The following FANCB variants were observed in gnomAD, a reference collection of about 807,000 sequenced individuals.
FANCB encodes FA complementation group B, also known as Fanconi anemia group B protein.
FANCB carries 5 observed loss-of-function variants against 38.9 expected under a neutral mutation model. That is an observed-to-expected ratio of 0.13 (90% CI 0.07 to 0.27). The LOEUF is 0.27. Among genes scored for constraint, FANCB ranks in the 10% least tolerant of loss-of-function variants. The probability of loss-of-function intolerance (pLI) is 1.00; values close to 1 mark genes in which losing one functional copy is unlikely to be tolerated. For missense variants in FANCB, 573 were observed against 602.7 expected (o/e 0.95, Z 0.52); for synonymous variants, 236 against 215.4 (o/e 1.10, Z -0.84).
chrX:14,835,815 C>T (rs748718735), downstream of FANCB: 1 of 113,068 alleles, frequency 8.8e-6, no homozygotes, highest in Admixed American at 9.4e-5. Context: ...TCCTTGTACA[C>T]TGTTGGTGGG....
At chrX:14,806,350 T>C in the FANCB span, among the ~76,000 whole-genome samples, 1 of 112,221 alleles carries the variant, frequency 8.9e-6, no homozygotes, top group Non-Finnish European at 1.9e-5. Context: ...ACATGGCTCG[T>C]CTTCACTGTT....
chrX:14,727,605 C>T, the FANCB span, among the ~76,000 whole-genome samples: 206 of 112,305 alleles, frequency 1.8e-3, no homozygotes, highest in Middle Eastern at 0.014. Flanking sequence ...ACTGATGACA[C>T]TGTAATAATT....
downstream of FANCB, among the ~76,000 whole-genome samples, chrX:14,843,242 G>C (rs1302843095): frequency 9.0e-6 from 1 of 111,008 alleles, no homozygotes; most frequent in African/African-American, 3.3e-5. Flanking sequence ...GTGCATAGTA[G>C]GATGTTTAGC....
chrX:14,743,146 A>G, the FANCB span, among the ~76,000 whole-genome samples: 1 of 112,248 alleles, frequency 8.9e-6, no homozygotes. Context: ...CACCATGATC[A>G]TAACCTTACG....
chrX:14,754,482 T>C, the FANCB span, among the ~76,000 whole-genome samples: 1 of 112,135 alleles, frequency 8.9e-6, no homozygotes, highest in Non-Finnish European at 1.9e-5. Context: ...AATTCTAAGC[T>C]GGTTGATTAA....
At chrX:14,870,370 A>G (rs1167678435) in intron 1 of FANCB, among the ~76,000 whole-genome samples, 2 of 110,330 alleles carry the variant, frequency 1.8e-5, no homozygotes, top group Non-Finnish European at 3.8e-5. Context: ...CCTATGGGCT[A>G]TTTGACTTTT....
chrX:14,823,780 T>C, the FANCB span, among the ~76,000 whole-genome samples: 1 of 112,040 alleles, frequency 8.9e-6, no homozygotes, highest in Non-Finnish European at 1.9e-5. Flanking sequence ...CCAATCAAGA[T>C]ATAGAACATT....
the FANCB span, among the ~76,000 whole-genome samples, chrX:14,741,731 A>G: frequency 8.9e-6 from 1 of 112,193 alleles, no homozygotes. Context: ...CAAATATAAA[A>G]TTAGCACAAG....
At chrX:14,760,531 T>C in the FANCB span, among the ~76,000 whole-genome samples, 7 of 111,788 alleles carry the variant, frequency 6.3e-5, no homozygotes, top group Non-Finnish European at 1.1e-4. Flanking sequence ...CAAAATTGCT[T>C]AAGAAATGAT....
At chrX:14,728,298 C>T in the FANCB span, among the ~76,000 whole-genome samples, 2 of 110,865 alleles carry the variant, frequency 1.8e-5, no homozygotes, top group African/African-American at 3.3e-5. Flanking sequence ...GGGTCTGAGG[C>T]GGGAGGATCA....
chrX:14,748,053 G>A, the FANCB span, among the ~76,000 whole-genome samples: 3 of 111,529 alleles, frequency 2.7e-5, no homozygotes, highest in Admixed American at 2.9e-4. Context: ...AAAGGAGATG[G>A]CTATTTGCTG....
chrX:14,779,637 G>A, the FANCB span, among the ~76,000 whole-genome samples: 1 of 110,994 alleles, frequency 9.0e-6, no homozygotes, highest in South Asian at 3.7e-4. Context: ...CTCCAGAACT[G>A]TGAAAAATAA....
At chrX:14,822,198 C>A in the FANCB span, among the ~76,000 whole-genome samples, 1 of 110,379 alleles carries the variant, frequency 9.1e-6, no homozygotes, top group African/African-American at 3.3e-5. Context: ...GGAAGCAGTG[C>A]AAGCAACTGT....
chrX:14,705,306 C>A, the FANCB span, among the ~76,000 whole-genome samples: 1 of 111,565 alleles, frequency 9.0e-6, no homozygotes, highest in South Asian at 3.8e-4. Context: ...TGGTTCTCAG[C>A]CAGGAGCTAT....
chrX:14,832,451 G>T (rs761687999), downstream of FANCB, among the ~76,000 whole-genome samples: 2 of 111,577 alleles, frequency 1.8e-5, no homozygotes, highest in East Asian at 5.6e-4. Flanking sequence ...GCCACATTCT[G>T]AAGTACCAGG....
At chrX:14,870,948 T>TA (rs2092493449) in intron 1 of FANCB, among the ~76,000 whole-genome samples, 1 of 111,803 alleles carries the variant, frequency 8.9e-6, no homozygotes, top group African/African-American at 3.3e-5. Context: ...ATAATAATGA[T>TA]AGATGTTGTT....
the FANCB span, among the ~76,000 whole-genome samples, chrX:14,791,123 C>CA: frequency 0.063 from 6,958 of 110,640 alleles, 265 homozygotes; most frequent in African/African-American, 0.13. Context: ...TAAGGTATGA[C>CA]ACTGTTATGT....
chrX:14,796,280 T>C, the FANCB span, among the ~76,000 whole-genome samples: 6 of 108,852 alleles, frequency 5.5e-5, no homozygotes, highest in Non-Finnish European at 1.9e-5. Flanking sequence ...TCTGAAGGCT[T>C]GACTGGGGTT....
chrX:14,775,160 GTTTTTTTTTTTTTTTT>G, the FANCB span, among the ~76,000 whole-genome samples: 1 of 35,001 alleles, frequency 2.9e-5, no homozygotes, highest in African/African-American at 8.8e-5. Context: ...TTTCTCTAAT[GTTTTTTTTTTTTTTTT>G]TTTTTTTTTT....
Sources: gnomAD v4.1 joint callset for allele counts (sites outside exome capture counted in the v4.1 genomes callset) on GRCh38, gnomAD v4.1.1 for gene constraint, MANE v1.5 for transcripts, NCBI Gene and HGNC (gene_info 2026-07-23, HGNC 2026-07-21) for gene names.